Variants in TSPAN3 observed in about 807,000 individuals in gnomAD.
TSPAN3 encodes the protein tetraspanin-3.
A neutral mutation model predicts 31.1 loss-of-function variants in TSPAN3; 9 were observed. That is an observed-to-expected ratio of 0.29 (90% CI 0.17 to 0.50). The LOEUF (loss-of-function observed/expected upper bound fraction) is 0.50. Among genes scored for constraint, TSPAN3 ranks in the 20% least tolerant of loss-of-function variants. The pLI is 0.98. For synonymous variants in TSPAN3, 129 were observed against 114.3 expected, an observed-to-expected ratio of 1.13 and a Z score of -0.82; for missense variants, 252 against 313.5, an observed-to-expected ratio of 0.80 and a Z score of 1.48.
intron 3 of TSPAN3, 129 bp downstream of exon 3, chr15:77,055,660 T>A: frequency 1.4e-6 from 1 of 708,974 alleles, no homozygotes; most frequent in Non-Finnish European, 2.3e-6. Flanking sequence ...ACTTTAGATA[T>A]TTGAAATACA....
intron 4 of TSPAN3, 31 bp from the exon 5 acceptor site, chr15:77,052,960 C>A: frequency 1.3e-6 from 2 of 1,590,092 alleles, no homozygotes; most frequent in Non-Finnish European, 8.6e-7. Context: ...TATTATTTCT[C>A]ACAAAAACCA....
intron 1 of TSPAN3, among the ~76,000 whole-genome samples, chr15:77,061,506 C>A (rs1398772180): frequency 6.6e-6 from 1 of 151,100 alleles, no homozygotes; most frequent in African/African-American, 2.4e-5. Flanking sequence ...CCAGCCTGGG[C>A]AACAAGAGCA....
rs751997644 is a variant in TSPAN3, at chr15:77,052,408, C to A, written c.646G>T (p.Ala216Ser). Residue 216 changes from alanine to serine, a missense_variant, in exon 6 of 7, where the codon GCA becomes TCA. Transcript: ENST00000267970. Reference sequence around the variant, plus strand: ...ACCTGAATAGCTGCAAATGCCAGTGCGGCCCAGATCACATGCATCATGATT... The same window carrying A: ...ACCTGAATAGCTGCAAATGCCAGTGAGGCCCAGATCACATGCATCATGATT... ...QEIMMHVIWAALAFAAIQLLG... is the reference protein window; with the variant it reads ...QEIMMHVIWASLAFAAIQLLG... 6.2e-7 allele frequency: 1 copy of A among 1,614,194 alleles called. No homozygotes were observed. The highest frequency in any genetic ancestry group is 1.1e-5 in the South Asian group (1 of 91,084).
intron 1 of TSPAN3, among the ~76,000 whole-genome samples, chr15:77,060,567 A>G (rs1052820994): frequency 6.6e-6 from 1 of 152,224 alleles, no homozygotes; most frequent in Admixed American, 6.5e-5. Context: ...CATCCCTCAG[A>G]TTTTTAATGC....
At chr15:77,056,411 C>T (rs939153514) in intron 1 of TSPAN3, among the ~76,000 whole-genome samples, 156 bp from the exon 2 acceptor site, 2 of 151,658 alleles carry the variant, frequency 1.3e-5, no homozygotes, top group South Asian at 2.1e-4. Context: ...AAGAGCATTT[C>T]TATACTAGAT....
chr15:77,056,332 T>C (rs1053831707), intron 1 of TSPAN3, 77 bp from the exon 2 acceptor site: 4 of 1,170,486 alleles, frequency 3.4e-6, no homozygotes, highest in African/African-American at 1.6e-5. Flanking sequence ...TATGGTATAA[T>C]TTAATGAGAG....
At chr15:77,049,451 C>T (rs2076715067) in intron 6 of TSPAN3, among the ~76,000 whole-genome samples, 1 of 152,172 alleles carries the variant, frequency 6.6e-6, no homozygotes, top group African/African-American at 2.4e-5. Flanking sequence ...GCCTTACTCA[C>T]AGCAGATACT....
intron 1 of TSPAN3, among the ~76,000 whole-genome samples, chr15:77,059,696 G>C (rs2076789338): frequency 6.6e-6 from 1 of 152,108 alleles, no homozygotes; most frequent in Admixed American, 6.5e-5. Flanking sequence ...TTCCATTTCT[G>C]AGCTTTCGGT....
chr15:77,044,492 G>C lies in TSPAN3; in HGVS notation c.*2343C>G, dbSNP rs2076677628. 6.6e-6 allele frequency: 1 copy of C among 152,210 alleles called. No homozygotes were observed. The highest frequency in any genetic ancestry group is 2.1e-4 in the South Asian group (1 of 4,838). The allele number at this position is 152,210 out of a possible 1,614,324, so 9.4% of individuals were successfully genotyped here. ...AGGAATTAAACACAAGTTAAAACTG[G>C]CAGGAGCTGGAATGGTTTCCCAGAC... On this transcript the variant is annotated 3_prime_UTR_variant, in exon 7 of 7. Transcript: ENST00000267970.
At chr15:77,049,417 C>T (rs2076714773) in intron 6 of TSPAN3, among the ~76,000 whole-genome samples, 1 of 152,122 alleles carries the variant, frequency 6.6e-6, no homozygotes, top group South Asian at 2.1e-4. Flanking sequence ...AACATTTTCC[C>T]CGTATTGCCT....
intron 1 of TSPAN3, chr15:77,064,304 C>T (rs2076818200): frequency 6.6e-6 from 1 of 152,138 alleles, no homozygotes; most frequent in African/African-American, 2.4e-5. Flanking sequence ...TGTCAGACTA[C>T]AGGGACTGTG....
In TSPAN3 at chr15:77,052,810, G is replaced by A; in HGVS notation, c.552C>T (p.Gly184=). ...CCRETASNCN[G]SLAHPSDLYA... is the part of the protein sequence containing the mutation. ...AGAGGTCGGAAGGGTGGGCCAGGCT[G>A]CCATTACAATTGCTGGCAGTCTCTC... is the stretch of plus-strand genomic sequence containing the variant. The change falls in exon 5 of 7, where the codon GGC becomes GGT. Residue 184 remains glycine, a synonymous_variant. Transcript: ENST00000267970. 1 of 1,614,172 alleles carries A rather than the reference G, an allele frequency of 6.2e-7. No individual in the cohort carries two copies. The highest frequency in any genetic ancestry group is 8.5e-7 in the Non-Finnish European group (1 of 1,180,022).
At chr15:77,051,294 G>A (rs900163411) in intron 6 of TSPAN3, among the ~76,000 whole-genome samples, 2 of 152,004 alleles carry the variant, frequency 1.3e-5, no homozygotes, top group Non-Finnish European at 1.5e-5. Flanking sequence ...TTGGGAGGCC[G>A]AGGCAGGTGG....
chr15:77,050,315 G>C (rs571343097), intron 6 of TSPAN3, among the ~76,000 whole-genome samples: 8 of 152,260 alleles, frequency 5.3e-5, no homozygotes, highest in East Asian at 1.9e-4. Context: ...ACTAGGTTTT[G>C]AGTCTGTGAA....
chr15:77,070,504 C>G (rs563674690), intron 1 of TSPAN3, among the ~76,000 whole-genome samples: 7 of 152,240 alleles, frequency 4.6e-5, no homozygotes, highest in Middle Eastern at 3.4e-3. Flanking sequence ...GGAACCTGAG[C>G]CTCTGGCGAA....
intron 1 of TSPAN3, among the ~76,000 whole-genome samples, chr15:77,070,251 C>T (rs1249196416): frequency 6.6e-6 from 1 of 152,162 alleles, no homozygotes; most frequent in Non-Finnish European, 1.5e-5. Flanking sequence ...ATATATTTAA[C>T]CAAGAGTTAT....
chr15:77,047,924 T>C lies in TSPAN3; in HGVS notation c.670-997A>G, dbSNP rs537464806. Among the ~76,000 whole-genome samples the C allele has an allele frequency of 8.9e-4, 135 of 152,288 alleles. No homozygotes were observed. The Middle Eastern group carries it at 0.024, about 27-fold the overall frequency. The stretch of plus-strand genomic sequence containing the variant: ...ATAAACAGACTCTCAAAGTTTGAAG[T>C]GGAAGATTAACCACTACTAAGACAC... On this transcript the variant is annotated intron_variant, in intron 6 of 6. Transcript: ENST00000267970.
intron 1 of TSPAN3, 89 bp from the exon 2 acceptor site, chr15:77,056,344 T>G: frequency 4.9e-6 from 5 of 1,023,502 alleles, no homozygotes; most frequent in Non-Finnish European, 6.9e-6. Flanking sequence ...TAATGAGAGT[T>G]ACCGTAACTG....
At chr15:77,069,397 T>G (rs1197220995) in intron 1 of TSPAN3, among the ~76,000 whole-genome samples, 1 of 152,220 alleles carries the variant, frequency 6.6e-6, no homozygotes, top group Non-Finnish European at 1.5e-5. Flanking sequence ...CTAATGGAAC[T>G]GGTTCTATAT....
Sources: gnomAD v4.1 joint callset for allele counts (sites outside exome capture counted in the v4.1 genomes callset) on GRCh38, gnomAD v4.1.1 for gene constraint, MANE v1.5 for transcripts, NCBI Gene and HGNC (gene_info 2026-07-23, HGNC 2026-07-21) for gene names.